Variants in SLC1A4 observed in about 807,000 individuals in gnomAD.
SLC1A4 encodes the protein solute carrier family 1 member 4, also known as neutral amino acid transporter A.
SLC1A4 carries 19 observed loss-of-function variants against 37.7 expected under a neutral mutation model. That is an observed-to-expected ratio of 0.50 (90% CI 0.35 to 0.74). The LOEUF (loss-of-function observed/expected upper bound fraction) is 0.74. Ranked by LOEUF, SLC1A4 falls within the 30% of genes least tolerant of loss-of-function variation. SLC1A4 has a pLI of 0.01. For missense variants in SLC1A4, 570 were observed against 712.9 expected, an observed-to-expected ratio of 0.80 and a Z score of 2.28; for synonymous variants, 299 against 309.8, an observed-to-expected ratio of 0.97 and a Z score of 0.37.
intron 2 of SLC1A4, among the ~76,000 whole-genome samples, chr2:65,003,633 G>C (rs933009985): frequency 4.6e-5 from 7 of 152,230 alleles, no homozygotes; most frequent in African/African-American, 1.7e-4. Flanking sequence ...ATATAAGGCT[G>C]AGGAAATATC....
intron 4 of SLC1A4, among the ~76,000 whole-genome samples, chr2:65,015,722 C>G (rs560675156): frequency 6.6e-6 from 1 of 152,272 alleles, no homozygotes; most frequent in African/African-American, 2.4e-5. Flanking sequence ...CTCTTTTGTA[C>G]CCCTTGAAAT....
chr2:65,010,482 T>A (rs994463326), intron 3 of SLC1A4, 115 bp from the exon 4 acceptor site: 6 of 820,754 alleles, frequency 7.3e-6, no homozygotes, highest in African/African-American at 5.3e-5. Context: ...AAAGAAAATA[T>A]GAGCTTTTTC....
chr2:65,004,120 T>G, intron 3 of SLC1A4, 105 bp downstream of exon 3: 1 of 918,980 alleles, frequency 1.1e-6, no homozygotes, highest in South Asian at 1.4e-5. Context: ...GAGGTTTGAA[T>G]GGGCTATTGG....
intron 7 of SLC1A4, among the ~76,000 whole-genome samples, chr2:65,020,680 G>A (rs1459945497): frequency 6.6e-6 from 1 of 152,144 alleles, no homozygotes; most frequent in Non-Finnish European, 1.5e-5. Context: ...GGGGACTAGG[G>A]GTGAGTGGCT....
chr2:65,010,716 C>A lies in SLC1A4; in HGVS notation c.753C>A (p.Phe251Leu). 6.2e-7 allele frequency: 1 copy of A among 1,614,144 alleles called. No individual in the cohort carries two copies. The highest frequency in any genetic ancestry group is 1.1e-5 in the South Asian group (1 of 91,052). The change falls in exon 4 of 8, where the codon TTC (phenylalanine) becomes TTA (leucine). Residue 251 changes from phenylalanine to leucine, a missense_variant. By Grantham distance (22) the Phe-to-Leu change is conservative (BLOSUM62 0). Transcript: ENST00000234256. ...AAGGAGAAGACCTCATCCGTTTCTT[C>A]AATTCCCTCAACGAGGCGACGATGG... ...GSEGEDLIRFFNSLNEATMVL... is the reference protein window; with the variant it reads ...GSEGEDLIRFLNSLNEATMVL...
In SLC1A4 at chr2:64,989,787, C is replaced by T; in HGVS notation, c.144C>T (p.Thr48=). The T allele has an allele frequency of 6.6e-7, 1 of 1,505,372 alleles. No individual in the cohort carries two copies. The highest frequency in any genetic ancestry group is 8.8e-7 in the Non-Finnish European group (1 of 1,131,876). 93.3% of individuals were successfully genotyped at this position (1,505,372 alleles called of 1,614,324 possible). Residue 48 remains threonine (T), a synonymous_variant, in exon 1 of 8, where the codon ACC becomes ACT. Coordinates refer to ENST00000234256, the MANE Select transcript of SLC1A4 (RefSeq NM_003038.5). ...GGCGCCAAGCGCTGGTGCTGCTCAC[C>T]GTGTCCGGGGTGCTGGCGGGCGCGG... The part of the protein sequence containing the change: ...FLRRQALVLL[T]VSGVLAGAGL...
At chr2:64,991,593 T>TTTTGTTTGTTTG (rs10659734) in intron 1 of SLC1A4, among the ~76,000 whole-genome samples, 11 of 143,406 alleles carry the variant, frequency 7.7e-5, no homozygotes, top group African/African-American at 2.8e-4. Flanking sequence ...ACACCCAGCT[T>TTTTGTTTGTTTG]TTTGTTTGTT....
chr2:64,988,835 T>C (rs1399542174), upstream of SLC1A4, among the ~76,000 whole-genome samples: 1 of 151,854 alleles, frequency 6.6e-6, no homozygotes, highest in Non-Finnish European at 1.5e-5. Context: ...CCCGGCCCCC[T>C]GGCGGGAGAG....
chr2:64,995,073 G>A, intron 1 of SLC1A4, among the ~76,000 whole-genome samples: 1 of 152,064 alleles, frequency 6.6e-6, no homozygotes, highest in Non-Finnish European at 1.5e-5. Context: ...ATAGCAGCTT[G>A]TAATTTTTTT....
intron 1 of SLC1A4, among the ~76,000 whole-genome samples, chr2:64,999,056 T>A (rs985011317): frequency 6.6e-6 from 1 of 152,250 alleles, no homozygotes; most frequent in African/African-American, 2.4e-5. Flanking sequence ...GGAAATGAAA[T>A]GCCAAAGGTA....
chr2:64,996,280 G>A (rs1165668237), intron 1 of SLC1A4, among the ~76,000 whole-genome samples: 1 of 152,090 alleles, frequency 6.6e-6, no homozygotes, highest in South Asian at 2.1e-4. Flanking sequence ...TTTGTCTAAT[G>A]TATTTCATCT....
chr2:64,989,389 C>G (rs1171674556), upstream of SLC1A4: 9 of 356,422 alleles, frequency 2.5e-5, no homozygotes, highest in East Asian at 4.2e-5. Flanking sequence ...TCGCGGCTCC[C>G]GTTTGCATCA....
chr2:64,995,264 G>A (rs1247635640), intron 1 of SLC1A4, among the ~76,000 whole-genome samples: 2 of 152,144 alleles, frequency 1.3e-5, no homozygotes, highest in Non-Finnish European at 2.9e-5. Flanking sequence ...TGCACAAGTC[G>A]TTTGTCCTCT....
chr2:65,003,298 A>G (rs1392471389), intron 2 of SLC1A4, among the ~76,000 whole-genome samples: 1 of 152,234 alleles, frequency 6.6e-6, no homozygotes, highest in East Asian at 1.9e-4. Flanking sequence ...TCCACTTGTT[A>G]GTACATACTG....
Position 64,990,065 on chromosome 2 carries a change from C to T in SLC1A4, c.422C>T (p.Pro141Leu). ...LAVALAFIIK[P>L]GSGAQTLQSS... ...GTGGCCTTGGCGTTCATCATCAAGC[C>T]AGGATCCGGTGCGCAGACCCTTCAG... is the stretch of plus-strand genomic sequence containing the variant. Residue 141 changes from proline to leucine, a missense_variant, in exon 1 of 8, where the codon CCA becomes CTA. By Grantham distance (98) the Pro-to-Leu change is moderately conservative. Transcript: ENST00000234256. 6.2e-7 allele frequency: 1 copy of T among 1,608,340 alleles called. No homozygotes were observed. Among genetic ancestry groups the T allele is most frequent in the South Asian group, 1.1e-5 (1 of 89,700 alleles).
intron 1 of SLC1A4, among the ~76,000 whole-genome samples, chr2:64,996,865 GT>G (rs1252588116): frequency 6.6e-6 from 1 of 152,188 alleles, no homozygotes; most frequent in Non-Finnish European, 1.5e-5. Flanking sequence ...AAGCTACTGT[GT>G]GAACATGAGG....
At position 65,021,094 on chromosome 2, in the gene SLC1A4, C is replaced by G. The variant is rs745936087; in HGVS notation, c.1547C>G (p.Ala516Gly). 1.9e-6 allele frequency: 3 copies of G among 1,614,262 alleles called. No individual in the cohort carries two copies. In the East Asian group the frequency reaches 6.7e-5, roughly 36 times the overall value. The change falls in exon 8 of 8, where the codon GCT becomes GGT. Residue 516 changes from alanine to glycine, a missense_variant. By Grantham distance (60) the Ala-to-Gly change is moderately conservative. Coordinates refer to ENST00000234256, the MANE Select transcript of SLC1A4 (RefSeq NM_003038.5). ...TSPLVTHQNPAGPVASAPELE... is the reference protein window; with the variant it reads ...TSPLVTHQNPGGPVASAPELE... The stretch of plus-strand genomic sequence containing the variant: ...CCCCTGGTGACACACCAGAACCCCG[C>G]TGGCCCCGTGGCCAGTGCCCCAGAA...
intron 1 of SLC1A4, 72 bp from the exon 2 acceptor site, chr2:65,001,376 T>G: frequency 7.1e-7 from 1 of 1,411,034 alleles, no homozygotes; most frequent in Non-Finnish European, 1.0e-6. Flanking sequence ...CACTCCAGCC[T>G]GGGCAACAGG....
chr2:65,017,365 C>T (rs1460695438), intron 5 of SLC1A4, among the ~76,000 whole-genome samples: 3 of 150,504 alleles, frequency 2.0e-5, no homozygotes, highest in Non-Finnish European at 3.0e-5. Flanking sequence ...AAAAAAAACA[C>T]TGGGTTTTCC....
Sources: gnomAD v4.1 joint callset for allele counts (sites outside exome capture counted in the v4.1 genomes callset) on GRCh38, gnomAD v4.1.1 for gene constraint, MANE v1.5 for transcripts, NCBI Gene and HGNC (gene_info 2026-07-23, HGNC 2026-07-21) for gene names.